The following FOXP1 variants were observed in gnomAD, a reference collection of about 807,000 sequenced individuals.
FOXP1 encodes the protein forkhead box protein P1.
A neutral mutation model predicts 98.2 loss-of-function variants in FOXP1; 15 were observed. The ratio of observed to expected loss-of-function variants is 0.15; its 90% CI spans 0.10 to 0.24. FOXP1 has a LOEUF of 0.24. Among genes scored for constraint, FOXP1 ranks in the 10% least tolerant of loss-of-function variants. The pLI, the probability that FOXP1 is intolerant of heterozygous loss-of-function variation, is 1.00. For synonymous variants in FOXP1, 371 were observed against 314.5 expected, an observed-to-expected ratio of 1.18 and a Z score of -1.90; for missense variants, 633 against 848.5, an observed-to-expected ratio of 0.75 and a Z score of 3.15.
rs895756046 is a variant in FOXP1 at position 71,430,596 on chromosome 3, G to A, written c.-168+62830C>T. On this transcript the variant is annotated intron_variant, in intron 3 of 20. Coordinates refer to ENST00000649528, the MANE Select transcript of FOXP1 (RefSeq NM_001349338.3). The stretch of plus-strand genomic sequence containing the variant: ...TACCATTTATTCTAGAAATTATTTG[G>A]TTCCTTATTTAACCTGCTTTGATTT... 2.6e-5 allele frequency among the ~76,000 whole-genome samples: 4 copies of A among 151,824 alleles called. No individual in the cohort carries two copies. In the South Asian group the frequency reaches 6.3e-4, roughly 24 times the overall value.
chr3:71,388,935 C>T (rs930851195), intron 3 of FOXP1, among the ~76,000 whole-genome samples: 3 of 151,912 alleles, frequency 2.0e-5, no homozygotes, highest in Non-Finnish European at 1.5e-5. Context: ...CTTTTCACTT[C>T]CTATTTTATT....
In FOXP1 at chr3:70,970,797, G is replaced by C. The variant is rs570636770; in HGVS notation, c.1661C>G (p.Ser554Cys). 5 of 1,612,564 alleles carry C rather than the reference G, an allele frequency of 3.1e-6. No homozygotes were observed. The African/African-American group carries it at 6.7e-5, about 21-fold the overall frequency. ...RRPQKISGNPSLIKNMQSSHA... is the reference protein window; with the variant it reads ...RRPQKISGNPCLIKNMQSSHA... ...GCTGCTCTGCATGTTTTTAATAAGG[G>C]AAGGGTTACTGTGTAAGAAAAACAT... The change falls in exon 19 of 21, where the codon TCC becomes TGC. Residue 554 changes from serine (S) to cysteine (C), a missense_variant. Transcript: ENST00000649528.
chr3:71,581,486 C>T, intron 2 of FOXP1, 63 bp downstream of exon 2: 5 of 985,506 alleles, frequency 5.1e-6, no homozygotes, highest in Non-Finnish European at 4.8e-6. Flanking sequence ...ACGGAGAACC[C>T]CTAGTGCCGC....
chr3:71,404,120 CTTTTTTTTT>C (rs869086663), intron 3 of FOXP1, among the ~76,000 whole-genome samples: 3 of 62,702 alleles, frequency 4.8e-5, no homozygotes, highest in Non-Finnish European at 8.4e-5. Context: ...TTTTCTTTTT[CTTTTTTTTT>C]TTTTTTTTTT....
At chr3:71,495,255 A>T (rs527760722) in intron 2 of FOXP1, among the ~76,000 whole-genome samples, 2 of 152,222 alleles carry the variant, frequency 1.3e-5, no homozygotes, top group Non-Finnish European at 1.5e-5. Context: ...GACAAAGGCC[A>T]CTTCAAAAAG....
intron 2 of FOXP1, among the ~76,000 whole-genome samples, chr3:71,568,190 C>T (rs1435327664): frequency 6.6e-6 from 1 of 152,098 alleles, no homozygotes; most frequent in Admixed American, 6.6e-5. Context: ...CAGAGAATAC[C>T]CAGTCCTGGA....
intron 20 of FOXP1, among the ~76,000 whole-genome samples, chr3:70,959,853 C>T (rs1290076453): frequency 3.9e-5 from 6 of 152,174 alleles, no homozygotes; most frequent in Non-Finnish European, 7.4e-5. Flanking sequence ...GCATCTCTAA[C>T]AAGCCCCCAA....
intron 2 of FOXP1, among the ~76,000 whole-genome samples, chr3:71,511,116 G>A (rs1369896328): frequency 1.3e-5 from 2 of 152,116 alleles, no homozygotes; most frequent in Non-Finnish European, 2.9e-5. Context: ...GTCAAATAGT[G>A]TATGTTAAAT....
In FOXP1 at chr3:71,235,714, G is replaced by A. The variant is rs148983720; in HGVS notation, c.-11-37322C>T. On this transcript the variant is annotated intron_variant, in intron 5 of 20. Coordinates refer to ENST00000649528, the MANE Select transcript of FOXP1 (RefSeq NM_001349338.3). ...CCTAAGTAGTTGGGACTAAAGGTGC[G>A]TGCCACCATGCCCGGCTAATTTTTT... is the stretch of plus-strand genomic sequence containing the variant. Among the ~76,000 whole-genome samples the A allele has an allele frequency of 2.6e-3, 394 of 152,106 alleles. 4 individuals carry two copies. The highest frequency in any genetic ancestry group is 8.9e-3 in the African/African-American group (368 of 41,494).
rs1220427927 is a variant in FOXP1 at position 71,117,204 on chromosome 3, C to T, written c.181-4567G>A. Among the ~76,000 whole-genome samples, 5 of 151,982 alleles carry T rather than the reference C, an allele frequency of 3.3e-5. No homozygotes were observed. The South Asian group carries it at 8.3e-4, about 25-fold the overall frequency. On this transcript the variant is annotated intron_variant, in intron 6 of 20. Coordinates refer to ENST00000649528, the MANE Select transcript of FOXP1 (RefSeq NM_001349338.3). ...CTGGGCTCAAGCAATCCTCCCACCT[C>T]AGCCTCCTGAATAGCTGGGACTACA...
intron 11 of FOXP1, among the ~76,000 whole-genome samples, chr3:71,017,576 T>A (rs1346273798): frequency 6.6e-6 from 1 of 151,996 alleles, no homozygotes; most frequent in Admixed American, 6.6e-5. Flanking sequence ...ATCATTCTTT[T>A]ATATTTAACA....
chr3:71,363,664 C>T (rs1284283928), intron 3 of FOXP1, among the ~76,000 whole-genome samples: 1 of 152,128 alleles, frequency 6.6e-6, no homozygotes, highest in Non-Finnish European at 1.5e-5. Context: ...AACATTTGTC[C>T]TCCATAATAA....
chr3:71,278,643 T>C (rs570472849), intron 5 of FOXP1, among the ~76,000 whole-genome samples: 1 of 152,192 alleles, frequency 6.6e-6, no homozygotes, highest in Admixed American at 6.5e-5. Context: ...TAGCCAGGTA[T>C]GGTGGTATGC....
At chr3:71,473,238 T>C (rs1006348489) in intron 3 of FOXP1, among the ~76,000 whole-genome samples, 1 of 152,156 alleles carries the variant, frequency 6.6e-6, no homozygotes, top group Non-Finnish European at 1.5e-5. Flanking sequence ...CCTAGGTACA[T>C]ACAGCTAGGA....
intron 19 of FOXP1, among the ~76,000 whole-genome samples, chr3:70,968,073 A>AT (rs2035340178): frequency 6.6e-6 from 1 of 152,178 alleles, no homozygotes; most frequent in Non-Finnish European, 1.5e-5. Flanking sequence ...GGTCAAGGCC[A>AT]TTGCTGATTG....
At chr3:71,339,954 C>T (rs1484616438) in intron 4 of FOXP1, among the ~76,000 whole-genome samples, 4 of 152,092 alleles carry the variant, frequency 2.6e-5, no homozygotes, top group South Asian at 2.1e-4. Context: ...AATATACAGT[C>T]GTGGCTAAAC....
At chr3:71,379,730 T>C (rs2108040355) in intron 3 of FOXP1, among the ~76,000 whole-genome samples, 1 of 152,382 alleles carries the variant, frequency 6.6e-6, no homozygotes, top group East Asian at 1.9e-4. Context: ...CATCTATGTA[T>C]TGCTTCTTGC....
intron 5 of FOXP1, among the ~76,000 whole-genome samples, chr3:71,248,719 CA>C (rs1473729439): frequency 1.4e-5 from 2 of 141,314 alleles, no homozygotes; most frequent in Non-Finnish European, 3.0e-5. Context: ...CCAGCTTGGG[CA>C]ACAGAGCAAG....
intron 3 of FOXP1, among the ~76,000 whole-genome samples, chr3:71,436,970 C>A (rs1001168273): frequency 1.5e-4 from 23 of 152,100 alleles, no homozygotes; most frequent in African/African-American, 5.6e-4. Context: ...CATATAATAT[C>A]CCACATTATT....
Sources: allele counts gnomAD v4.1 joint callset (sites outside exome capture counted in the v4.1 genomes callset), GRCh38; gene constraint gnomAD v4.1.1; transcripts MANE v1.5; gene names NCBI Gene and HGNC (gene_info 2026-07-23, HGNC 2026-07-21).